TPRA1: variants seen among roughly 807,000 people sequenced by gnomAD.
TPRA1 encodes transmembrane protein adipocyte associated 1, also known as transmembrane protein adipocyte-associated 1.
In TPRA1, 28 loss-of-function variants were observed where a neutral mutation model predicts 40.1. That is an observed-to-expected ratio of 0.70 (90% CI 0.52 to 0.96). The LOEUF (loss-of-function observed/expected upper bound fraction) is 0.96. TPRA1 is among the 40% of genes least tolerant of loss of function. The pLI is 0.00. For missense variants in TPRA1, 441 were observed against 482.6 expected, an observed-to-expected ratio of 0.91 and a Z score of 0.81; for synonymous variants, 219 against 209.7, an observed-to-expected ratio of 1.04 and a Z score of -0.38.
intron 1 of TPRA1, among the ~76,000 whole-genome samples, chr3:127,580,986 G>A (rs1263968230): frequency 2.6e-5 from 4 of 152,230 alleles, no homozygotes; most frequent in African/African-American, 7.2e-5. Flanking sequence ...AGCATGAGAG[G>A]TCGAGTCTAG....
Position 127,577,084 on chromosome 3 carries a change from G to A in TPRA1, c.259-8C>T, listed in dbSNP as rs1445072325. ...CAGCGCCACCACAAACACCTGGTGG[G>A]CAAGGGAGTGGTGTGGCAGTCAGGG... On this transcript the variant is annotated splice_region_variant and splice_polypyrimidine_tract_variant and intron_variant, in intron 3 of 10. Coordinates refer to ENST00000355552, the MANE Select transcript of TPRA1 (RefSeq NM_001136053.4). The A allele has an allele frequency of 1.2e-6, 2 of 1,613,120 alleles. No individual in the cohort carries two copies. Among genetic ancestry groups the A allele is most frequent in the South Asian group, 2.2e-5 (2 of 91,040 alleles).
chr3:127,579,854 G>A lies in TPRA1; in HGVS notation c.144C>T (p.Leu48=), dbSNP rs138504527. 3 of 1,613,760 alleles carry A rather than the reference G, an allele frequency of 1.9e-6. No individual in the cohort carries two copies. The highest frequency in any genetic ancestry group is 1.7e-6 in the Non-Finnish European group (2 of 1,180,036). Residue 48 remains leucine, a synonymous_variant, in exon 3 of 11, where the codon CTC becomes CTT. Coordinates refer to ENST00000355552, the MANE Select transcript of TPRA1 (RefSeq NM_001136053.4). The part of the protein sequence containing the change: ...IGTSRVRYWD[L]LLLIPNVLFL... ...AGAGCACATTGGGGATGAGCAGCAA[G>A]AGGTCCCAGTACCGGACCCTGGCGG... is the stretch of plus-strand genomic sequence containing the variant.
At position 127,580,181 on chromosome 3, in the gene TPRA1, G is replaced by C. The variant is rs753757180; in HGVS notation, c.-17-18C>G. The stretch of plus-strand genomic sequence containing the variant: ...AGCCAGCCCTGGGGGAGTGAGAGCC[G>C]CCCAGTGAGCTGTGTGGCCTGGGCC... On this transcript the variant is annotated intron_variant, in intron 1 of 10. Coordinates refer to ENST00000355552, the MANE Select transcript of TPRA1 (RefSeq NM_001136053.4). 6.2e-7 allele frequency: 1 copy of C among 1,602,728 alleles called. No homozygotes were observed. Among genetic ancestry groups the C allele is most frequent in the Admixed American group, 1.7e-5 (1 of 59,650 alleles).
At position 127,582,124 on chromosome 3, in the gene TPRA1, G is replaced by A. The variant is rs138227248; in HGVS notation, c.-17-1961C>T. Among the ~76,000 whole-genome samples the A allele has an allele frequency of 2.0e-3, 303 of 152,190 alleles. 1 individual carries two copies. Among genetic ancestry groups the A allele is most frequent in the African/African-American group, 6.9e-3 (288 of 41,526 alleles). On this transcript the variant is annotated intron_variant, in intron 1 of 10. Coordinates refer to ENST00000355552, the MANE Select transcript of TPRA1 (RefSeq NM_001136053.4). ...CCAAGACAGGGGTGGGGGGACTTAG[G>A]AATATTTCCATTGCTGGTCCAAGCC...
chr3:127,578,560 G>T (rs974122623), intron 3 of TPRA1, among the ~76,000 whole-genome samples: 1 of 152,216 alleles, frequency 6.6e-6, no homozygotes, highest in Non-Finnish European at 1.5e-5. Context: ...CCCACAAAAG[G>T]ACATCTGCCT....
chr3:127,592,753 T>C (rs911374324), upstream of TPRA1, among the ~76,000 whole-genome samples: 4 of 152,200 alleles, frequency 2.6e-5, no homozygotes, highest in Non-Finnish European at 5.9e-5. Flanking sequence ...CAGCCCCAAG[T>C]GAGGACGCGG....
At chr3:127,575,566 A>T in intron 8 of TPRA1, 61 bp from the exon 9 acceptor site, 1 of 1,474,302 alleles carries the variant, frequency 6.8e-7, no homozygotes, top group South Asian at 1.3e-5. Context: ...CTCTGCCTCC[A>T]GCACCTACTA....
chr3:127,590,926 G>C (rs1214224670), upstream of TPRA1: 2 of 152,294 alleles, frequency 1.3e-5, no homozygotes, highest in Non-Finnish European at 2.9e-5. Context: ...ACAAGACGCT[G>C]CTTCACGGAA....
intron 1 of TPRA1, among the ~76,000 whole-genome samples, chr3:127,585,893 A>G (rs1031768203): frequency 6.6e-6 from 1 of 152,198 alleles, no homozygotes; most frequent in Non-Finnish European, 1.5e-5. Flanking sequence ...CTCTAGTTTG[A>G]CATGGCAACT....
Position 127,575,764 on chromosome 3 carries a change from G to T in TPRA1, c.655C>A (p.Arg219Ser), listed in dbSNP as rs779195818. 5.6e-6 allele frequency: 9 copies of T among 1,613,546 alleles called. No homozygotes were observed. The Admixed American group carries it at 1.3e-4, about 24-fold the overall frequency. ...AGCTGCTCACAAGGCAGGGAGATGC[G>T]CTCCTTCAGCGGGGTCTTGGGAAGG... ...VILPKTPLKERISLPSRRSFY... is the reference protein window; with the variant it reads ...VILPKTPLKESISLPSRRSFY... The change falls in exon 8 of 11, where the codon CGC becomes AGC. Residue 219 changes from arginine (R) to serine (S), a missense_variant. Transcript: ENST00000355552.
intron 1 of TPRA1, among the ~76,000 whole-genome samples, chr3:127,587,505 T>TG (rs2074035209): frequency 6.6e-6 from 1 of 152,228 alleles, no homozygotes; most frequent in Non-Finnish European, 1.5e-5. Context: ...AAGACGGGGC[T>TG]GCACTGCTGG....
chr3:127,574,218 G>A (rs1224562379), intron 10 of TPRA1, among the ~76,000 whole-genome samples: 1 of 152,180 alleles, frequency 6.6e-6, no homozygotes, highest in Non-Finnish European at 1.5e-5. Flanking sequence ...TCTCCAAGGG[G>A]GACACACTAC....
chr3:127,587,068 A>G (rs1382801017), intron 1 of TPRA1: 2 of 152,264 alleles, frequency 1.3e-5, no homozygotes, highest in Non-Finnish European at 2.9e-5. Context: ...CTGTGATCTA[A>G]GTCTGGCTAG....
chr3:127,572,310 G>C lies in TPRA1; in HGVS notation c.*1211C>G, dbSNP rs879613777. Among the ~76,000 whole-genome samples the C allele has an allele frequency of 6.6e-6, 1 of 152,214 alleles. No homozygotes were observed. The highest frequency in any genetic ancestry group is 1.5e-5 in the Non-Finnish European group (1 of 68,036). On this transcript the variant is annotated 3_prime_UTR_variant, in exon 11 of 11. Transcript: ENST00000355552. ...ACAGCCAGGGCTGAGACCTCCCCAG[G>C]CTCTGAAGCATGCAGTTGGCTGTGT...
rs1392057845 is a variant in TPRA1 at position 127,576,882 on chromosome 3, C to T, written c.357G>A (p.Glu119=). Residue 119 remains glutamate (E), a synonymous_variant, in exon 5 of 11, where the codon GAG becomes GAA. Transcript: ENST00000355552. The surrounding 1 kb of genome is among the most constrained non-coding windows in gnomAD (Gnocchi z 4.6). ...TGGCCAGCAGGAAGAAGCGGGTGATCTCCCACAGGATCTGCACGCAGAGTG... is the reference window on the plus strand; with the variant it reads ...TGGCCAGCAGGAAGAAGCGGGTGATTTCCCACAGGATCTGCACGCAGAGTG... ...AATVADKILW[E]ITRFFLLAIE... The T allele has an allele frequency of 1.9e-6, 3 of 1,613,810 alleles. No individual in the cohort carries two copies. The South Asian group carries it at 3.3e-5, about 18-fold the overall frequency.
intron 7 of TPRA1, 36 bp from the exon 8 acceptor site, chr3:127,575,845 G>A (rs1010794925): frequency 6.2e-7 from 1 of 1,612,820 alleles, no homozygotes; most frequent in Admixed American, 1.7e-5. Context: ...GGTGCTGGGG[G>A]CGCCAGCCCA....
intron 1 of TPRA1, 134 bp downstream of exon 1, chr3:127,590,276 T>G (rs939057945): frequency 6.6e-6 from 1 of 152,186 alleles, no homozygotes; most frequent in Non-Finnish European, 1.5e-5. Context: ...GCCTTGGCCG[T>G]CCGAGCTGCG....
chr3:127,587,589 T>C (rs760761665), intron 1 of TPRA1, among the ~76,000 whole-genome samples: 2 of 151,492 alleles, frequency 1.3e-5, no homozygotes, highest in Admixed American at 1.3e-4. Flanking sequence ...AACATCTGCC[T>C]AATAAGGGTG....
chr3:127,587,675 C>CTTTTTT (rs1171996656), intron 1 of TPRA1, among the ~76,000 whole-genome samples: 1 of 129,744 alleles, frequency 7.7e-6, no homozygotes. Flanking sequence ...TGCTGCTTTT[C>CTTTTTT]TTTTTTTTTT....
Sources: allele counts gnomAD v4.1 joint callset (sites outside exome capture counted in the v4.1 genomes callset), GRCh38; gene constraint gnomAD v4.1.1; non-coding constraint Gnocchi (gnomAD v3.1); transcripts MANE v1.5; gene names NCBI Gene and HGNC (gene_info 2026-07-23, HGNC 2026-07-21).